Variants in CDH12 observed in about 807,000 individuals in gnomAD.
The protein encoded by CDH12 is cadherin-12.
CDH12 carries 41 observed loss-of-function variants against 74.1 expected under a neutral mutation model. The observed-to-expected ratio is 0.55, with a 90% confidence interval of 0.43 to 0.72. CDH12 has a LOEUF of 0.72. CDH12 is among the 30% of genes least tolerant of loss of function. The pLI, the probability that CDH12 is intolerant of heterozygous loss-of-function variation, is 0.00. For missense variants in CDH12, 945 were observed against 977.2 expected, an observed-to-expected ratio of 0.97 and a Z score of 0.44; for synonymous variants, 399 against 355.0, an observed-to-expected ratio of 1.12 and a Z score of -1.39.
chr5:22,399,256 CA>C (rs370542808), intron 3 of CDH12, among the ~76,000 whole-genome samples: 140 of 151,904 alleles, frequency 9.2e-4, no homozygotes, highest in African/African-American at 3.3e-3. Flanking sequence ...AGTAGTGTAA[CA>C]TTTTCAACTC....
At chr5:22,482,959 G>T (rs1008360502) in intron 2 of CDH12, among the ~76,000 whole-genome samples, 1 of 152,170 alleles carries the variant, frequency 6.6e-6, no homozygotes, top group African/African-American at 2.4e-5. Context: ...TGCTTCATTT[G>T]CCTAGCTGGT....
At chr5:22,562,088 C>T (rs528348141) in intron 1 of CDH12, among the ~76,000 whole-genome samples, 5 of 152,098 alleles carry the variant, frequency 3.3e-5, no homozygotes, top group African/African-American at 9.7e-5. Context: ...GAGGCCGAGG[C>T]GGGCGGATCA....
rs114487840 is a variant in CDH12 at position 22,459,726 on chromosome 5, G to A, written c.-428+45544C>T. On this transcript the variant is annotated intron_variant, in intron 2 of 14. Coordinates refer to ENST00000382254, the MANE Select transcript of CDH12 (RefSeq NM_004061.5). Reference sequence around the variant, plus strand: ...GCAGTGGCTCACGCTTGTAATCCCAGCACTTTGAGGCGGGTGGATCATGAG... The same window carrying A: ...GCAGTGGCTCACGCTTGTAATCCCAACACTTTGAGGCGGGTGGATCATGAG... Among the ~76,000 whole-genome samples the A allele has an allele frequency of 9.5e-3, 1,451 of 152,248 alleles. 20 individuals are homozygous for A. Among genetic ancestry groups the A allele is most frequent in the African/African-American group, 0.033 (1,375 of 41,518 alleles).
intron 3 of CDH12, among the ~76,000 whole-genome samples, chr5:22,304,168 T>A (rs560919699): frequency 1.5e-3 from 228 of 152,250 alleles, no homozygotes; most frequent in African/African-American, 5.1e-3. Context: ...CGTAATTTAA[T>A]ATGTAAACCA....
chr5:22,220,153 A>G (rs1751961808), intron 3 of CDH12, among the ~76,000 whole-genome samples: 1 of 151,812 alleles, frequency 6.6e-6, no homozygotes, highest in South Asian at 2.1e-4. Context: ...ATGGACATAT[A>G]CAGTGCTATA....
At chr5:22,111,285 C>T (rs1744800235) in intron 4 of CDH12, among the ~76,000 whole-genome samples, 1 of 152,084 alleles carries the variant, frequency 6.6e-6, no homozygotes, top group African/African-American at 2.4e-5. Context: ...ATGACACTAA[C>T]AAAATGGGCT....
intron 1 of CDH12, among the ~76,000 whole-genome samples, chr5:22,609,245 T>C (rs560761711): frequency 3.0e-4 from 45 of 152,328 alleles, no homozygotes; most frequent in Admixed American, 1.8e-3. Flanking sequence ...ACTACTTGTT[T>C]ATACTTATGT....
At chr5:22,404,737 T>A (rs1360007986) in intron 3 of CDH12, among the ~76,000 whole-genome samples, 7 of 152,174 alleles carry the variant, frequency 4.6e-5, no homozygotes, top group Admixed American at 4.6e-4. Flanking sequence ...CTTTTGCAAT[T>A]AGAGGCCTGC....
intron 2 of CDH12, among the ~76,000 whole-genome samples, chr5:22,445,864 T>C (rs1381369953): frequency 1.3e-5 from 2 of 152,000 alleles, no homozygotes; most frequent in Non-Finnish European, 2.9e-5. Context: ...TTACCTGCAG[T>C]TCCTCTACAT....
intron 4 of CDH12, among the ~76,000 whole-genome samples, chr5:22,125,294 TG>T (rs1480832596): frequency 6.6e-6 from 1 of 152,086 alleles, no homozygotes; most frequent in Non-Finnish European, 1.5e-5. Flanking sequence ...CGGTGTATGA[TG>T]TTCCCCTCCC....
At chr5:22,821,119 A>G (rs1214587028) in intron 1 of CDH12, among the ~76,000 whole-genome samples, 10 of 152,100 alleles carry the variant, frequency 6.6e-5, no homozygotes, top group Admixed American at 1.3e-4. Context: ...TATAAACAGA[A>G]CCAAAGACAA....
intron 1 of CDH12, among the ~76,000 whole-genome samples, chr5:22,739,768 C>G (rs1000251937): frequency 1.3e-5 from 2 of 151,990 alleles, no homozygotes; most frequent in Non-Finnish European, 2.9e-5. Context: ...CTTTTCAACC[C>G]TCTGTTATGA....
chr5:22,531,849 G>A (rs560034154), intron 1 of CDH12, among the ~76,000 whole-genome samples: 1 of 152,158 alleles, frequency 6.6e-6, no homozygotes, highest in Non-Finnish European at 1.5e-5. Flanking sequence ...AATTCCCTAT[G>A]ATTTCCTGCA....
chr5:22,314,939 G>GTTT (rs1340897012), intron 3 of CDH12, among the ~76,000 whole-genome samples: 51 of 73,576 alleles, frequency 6.9e-4, no homozygotes, highest in Non-Finnish European at 8.9e-4. Flanking sequence ...CCCTGGGTTG[G>GTTT]TCTTTTTTTT....
chr5:22,376,730 C>T (rs1171508997), intron 3 of CDH12, among the ~76,000 whole-genome samples: 2 of 143,778 alleles, frequency 1.4e-5, no homozygotes, highest in Admixed American at 7.3e-5. Context: ...ATTATATTGC[C>T]CAGGCCAGTC....
At chr5:21,754,664 A>AT (rs199873808) in intron 14 of CDH12, among the ~76,000 whole-genome samples, 67 of 151,030 alleles carry the variant, frequency 4.4e-4, no homozygotes, top group Middle Eastern at 3.4e-3. Flanking sequence ...CTCACTAATT[A>AT]TTTTTTTTTC....
intron 3 of CDH12, among the ~76,000 whole-genome samples, chr5:22,228,800 A>T (rs1580426179): frequency 2.8e-5 from 2 of 71,108 alleles, no homozygotes; most frequent in Non-Finnish European, 9.2e-5. Context: ...ATTATGTTCT[A>T]AAAAAAATTT....
At chr5:22,067,322 G>A (rs539287272) in intron 5 of CDH12, among the ~76,000 whole-genome samples, 2 of 152,240 alleles carry the variant, frequency 1.3e-5, no homozygotes, top group African/African-American at 2.4e-5. Flanking sequence ...TAGTACTACC[G>A]GACATATTGA....
At chr5:22,688,099 T>C (rs1580888880) in intron 1 of CDH12, among the ~76,000 whole-genome samples, 1 of 152,092 alleles carries the variant, frequency 6.6e-6, no homozygotes, top group Non-Finnish European at 1.5e-5. Flanking sequence ...CTGACAGGAC[T>C]CTTTTCCCCT....
Sources: allele counts gnomAD v4.1 joint callset (sites outside exome capture counted in the v4.1 genomes callset), GRCh38; gene constraint gnomAD v4.1.1; transcripts MANE v1.5; gene names NCBI Gene and HGNC (gene_info 2026-07-23, HGNC 2026-07-21).